The following SHROOM3 variants were observed in gnomAD, a reference collection of about 807,000 sequenced individuals.
The protein encoded by SHROOM3 is shroom family member 3.
A neutral mutation model predicts 138.6 loss-of-function variants in SHROOM3; 47 were observed. That is an observed-to-expected ratio of 0.34 (90% confidence interval 0.27 to 0.43). SHROOM3 has a LOEUF of 0.43. SHROOM3 is among the 20% of genes least tolerant of loss of function. The pLI is 1.00. For missense variants in SHROOM3, 2,491 were observed against 2,596.5 expected (o/e 0.96, Z 0.88); for synonymous variants, 1,062 against 1,063.3 (o/e 1.00, Z 0.02).
At chr4:76,762,580 T>A (rs1016383232) in intron 9 of SHROOM3, among the ~76,000 whole-genome samples, 1 of 152,206 alleles carries the variant, frequency 6.6e-6, no homozygotes, top group Non-Finnish European at 1.5e-5. Context: ...AGTTAGAATT[T>A]CCTTCGGTTC....
At chr4:76,752,301 G>A (rs1447222618) in intron 6 of SHROOM3, among the ~76,000 whole-genome samples, 1 of 152,136 alleles carries the variant, frequency 6.6e-6, no homozygotes, top group Non-Finnish European at 1.5e-5. Flanking sequence ...AGTAGGAGGG[G>A]GAAATGGGGA....
intron 1 of SHROOM3, among the ~76,000 whole-genome samples, chr4:76,495,658 G>A (rs920439315): frequency 1.3e-5 from 2 of 152,182 alleles, no homozygotes; most frequent in African/African-American, 2.4e-5. Flanking sequence ...GAGCTATTCT[G>A]GTGTTCAGGG....
At chr4:76,777,849 T>C (rs1722618864) in intron 10 of SHROOM3, among the ~76,000 whole-genome samples, 1 of 152,208 alleles carries the variant, frequency 6.6e-6, no homozygotes, top group African/African-American at 2.4e-5. Context: ...TACAATATCA[T>C]AGAAAAGCAT....
At chr4:76,770,486 T>C (rs773988817) in intron 9 of SHROOM3, 140 bp from the exon 10 acceptor site, 19 of 874,672 alleles carry the variant, frequency 2.2e-5, no homozygotes, top group African/African-American at 1.6e-4. Context: ...TGGCATAATA[T>C]TGGGGGACAC....
intron 2 of SHROOM3, among the ~76,000 whole-genome samples, chr4:76,680,921 G>A (rs994976772): frequency 2.6e-5 from 4 of 152,166 alleles, no homozygotes; most frequent in East Asian, 1.9e-4. Context: ...CAATGAGCCC[G>A]GCACCTCCCA....
At chr4:76,607,194 TG>T (rs111690409) in intron 2 of SHROOM3, among the ~76,000 whole-genome samples, 27,559 of 152,142 alleles carry the variant, frequency 0.18, 2,660 homozygotes, top group East Asian at 0.29. Context: ...TTCTGTTTTA[TG>T]GAACTAAAGC....
chr4:76,763,606 G>C (rs751853433), intron 9 of SHROOM3, among the ~76,000 whole-genome samples: 12 of 152,002 alleles, frequency 7.9e-5, no homozygotes, highest in Non-Finnish European at 1.5e-4. Context: ...AATAACAAAG[G>C]AAGGCCACAA....
chr4:76,731,794 AC>A (rs200729443), intron 4 of SHROOM3, among the ~76,000 whole-genome samples: 28,927 of 150,166 alleles, frequency 0.19, 2,878 homozygotes, highest in African/African-American at 0.23. Flanking sequence ...AAAAAAACAA[AC>A]AAACAAACAA....
intron 1 of SHROOM3, among the ~76,000 whole-genome samples, chr4:76,461,159 G>A (rs186938857): frequency 6.6e-6 from 1 of 152,156 alleles, no homozygotes; most frequent in African/African-American, 2.4e-5. Flanking sequence ...TTCAACATAG[G>A]AATTTTGGGA....
At chr4:76,706,125 T>C (rs1720041580) in intron 2 of SHROOM3, among the ~76,000 whole-genome samples, 1 of 152,152 alleles carries the variant, frequency 6.6e-6, no homozygotes, top group Non-Finnish European at 1.5e-5. Flanking sequence ...TTTTGTTTTG[T>C]TTTTTGTTTG....
At chr4:76,579,227 G>A (rs943213334) in intron 2 of SHROOM3, among the ~76,000 whole-genome samples, 2 of 151,662 alleles carry the variant, frequency 1.3e-5, no homozygotes, top group African/African-American at 4.8e-5. Flanking sequence ...CCAGCACTTT[G>A]GGAGGCCAAG....
chr4:76,493,607 C>T (rs561626684), intron 1 of SHROOM3, among the ~76,000 whole-genome samples: 1 of 152,296 alleles, frequency 6.6e-6, no homozygotes, highest in African/African-American at 2.4e-5. Context: ...CGAGAACCCT[C>T]CCTCCTTTCT....
At chr4:76,619,039 G>A (rs1734942663) in intron 2 of SHROOM3, among the ~76,000 whole-genome samples, 1 of 152,024 alleles carries the variant, frequency 6.6e-6, no homozygotes, top group Admixed American at 6.6e-5. Flanking sequence ...GTAGAGACGG[G>A]GTTTCACAGT....
chr4:76,588,348 C>T (rs1418793941), intron 2 of SHROOM3, among the ~76,000 whole-genome samples: 1 of 152,108 alleles, frequency 6.6e-6, no homozygotes, highest in Non-Finnish European at 1.5e-5. Flanking sequence ...TATTGTTTCC[C>T]GAGTGACCAT....
intron 5 of SHROOM3, among the ~76,000 whole-genome samples, chr4:76,747,814 T>G (rs1234353647): frequency 6.6e-6 from 1 of 152,202 alleles, no homozygotes; most frequent in Admixed American, 6.5e-5. Flanking sequence ...CATTCAAGTC[T>G]GATTACATCC....
At chr4:76,631,890 G>A (rs1282965670) in intron 2 of SHROOM3, among the ~76,000 whole-genome samples, 1 of 152,170 alleles carries the variant, frequency 6.6e-6, no homozygotes, top group African/African-American at 2.4e-5. Context: ...AGGAGATGGT[G>A]GTAGCTTAGG....
chr4:76,588,873 GC>G (rs1390953359), intron 2 of SHROOM3, among the ~76,000 whole-genome samples: 1 of 149,562 alleles, frequency 6.7e-6, no homozygotes, highest in Non-Finnish European at 1.5e-5. Context: ...CCCCTAAAAG[GC>G]ATGTTTTTTA....
chr4:76,751,875 G>A (rs1161367743), intron 6 of SHROOM3, among the ~76,000 whole-genome samples: 1 of 152,186 alleles, frequency 6.6e-6, no homozygotes, highest in East Asian at 1.9e-4. Flanking sequence ...ATGTAAAATG[G>A]TGCAGCCGTA....
At chr4:76,440,491 C>T (rs1269919125) in intron 1 of SHROOM3, among the ~76,000 whole-genome samples, 1 of 152,162 alleles carries the variant, frequency 6.6e-6, no homozygotes, top group African/African-American at 2.4e-5. Context: ...GTTTTTAAAT[C>T]TATTCGGGGG....
Sources: gnomAD v4.1 joint callset for allele counts (sites outside exome capture counted in the v4.1 genomes callset) on GRCh38, gnomAD v4.1.1 for gene constraint, MANE v1.5 for transcripts, NCBI Gene and HGNC (gene_info 2026-07-23, HGNC 2026-07-21) for gene names.